The following LPP variants were observed in gnomAD, a reference collection of about 807,000 sequenced individuals.
LPP encodes the protein lipoma-preferred partner.
LPP carries 38 observed loss-of-function variants against 60.4 expected under a neutral mutation model. The observed-to-expected ratio is 0.63, with a 90% confidence interval of 0.49 to 0.83. The LOEUF (loss-of-function observed/expected upper bound fraction) is 0.83. Ranked by LOEUF, LPP falls within the 40% of genes least tolerant of loss-of-function variation. The pLI is 0.00. For missense variants in LPP, 902 were observed against 783.6 expected, an observed-to-expected ratio of 1.15 and a Z score of -1.80; for synonymous variants, 328 against 290.8, an observed-to-expected ratio of 1.13 and a Z score of -1.30.
At chr3:188,353,180 T>A (rs1407106167) in intron 3 of LPP, among the ~76,000 whole-genome samples, 1 of 152,114 alleles carries the variant, frequency 6.6e-6, no homozygotes, top group African/African-American at 2.4e-5. Flanking sequence ...GATTACAGGG[T>A]CCTCGGGAGC....
intron 2 of LPP, among the ~76,000 whole-genome samples, chr3:188,264,224 T>C (rs1010491343): frequency 1.3e-5 from 2 of 151,908 alleles, no homozygotes; most frequent in African/African-American, 4.8e-5. Flanking sequence ...TACCTTCTAA[T>C]GAAGGCAAGA....
At chr3:188,740,403 C>T (rs978822330) in intron 8 of LPP, among the ~76,000 whole-genome samples, 1 of 151,988 alleles carries the variant, frequency 6.6e-6, no homozygotes, top group South Asian at 2.1e-4. Context: ...TATCCAAGCC[C>T]AATATCCTAC....
intron 3 of LPP, among the ~76,000 whole-genome samples, chr3:188,367,651 G>A (rs926557039): frequency 1.3e-5 from 2 of 152,056 alleles, no homozygotes; most frequent in African/African-American, 4.8e-5. Context: ...TATATTCATG[G>A]CAGCCTTTTC....
chr3:188,811,970 C>G (rs1359597465), intron 9 of LPP, among the ~76,000 whole-genome samples: 2 of 151,998 alleles, frequency 1.3e-5, no homozygotes, highest in Non-Finnish European at 2.9e-5. Flanking sequence ...AAGCATTTGT[C>G]CTTTGTGTTG....
chr3:188,631,346 T>C (rs1183419231), intron 7 of LPP, among the ~76,000 whole-genome samples: 1 of 152,156 alleles, frequency 6.6e-6, no homozygotes, highest in East Asian at 1.9e-4. Flanking sequence ...ATAATCAAAT[T>C]TGGGGACACT....
At chr3:188,830,599 C>T (rs1463660865) in intron 9 of LPP, among the ~76,000 whole-genome samples, 4 of 151,012 alleles carry the variant, frequency 2.6e-5, no homozygotes, top group African/African-American at 7.3e-5. Context: ...AGTGAAACTC[C>T]GTCTCAAAAA....
At chr3:188,179,631 C>A in intron 1 of LPP, 1 of 382,684 alleles carries the variant, frequency 2.6e-6, no homozygotes, top group Non-Finnish European at 5.2e-6. Flanking sequence ...TCTCATCCTG[C>A]CAGGAATCCA....
chr3:188,203,503 A>T (rs1311821208), intron 1 of LPP, among the ~76,000 whole-genome samples: 1 of 63,760 alleles, frequency 1.6e-5, no homozygotes, highest in Non-Finnish European at 2.8e-5. Flanking sequence ...ATATATATAA[A>T]TATATATATT....
In LPP at chr3:188,851,931, G is replaced by A. The variant is rs568629197; in HGVS notation, c.1411-14269G>A. ...TAATCCCGGCACACTGGGAGGCTGA[G>A]GCAGGCAGATCACTTGAGGCCGGGG... On this transcript the variant is annotated intron_variant, in intron 9 of 11. Transcript: ENST00000617246. 9.8e-5 allele frequency among the ~76,000 whole-genome samples: 15 copies of A among 152,288 alleles called. No homozygotes were observed. The East Asian group carries it at 2.7e-3, about 27-fold the overall frequency.
At chr3:188,584,882 C>A (rs575194998) in intron 6 of LPP, among the ~76,000 whole-genome samples, 3 of 152,018 alleles carry the variant, frequency 2.0e-5, no homozygotes, top group Non-Finnish European at 4.4e-5. Context: ...ATAAATTTAT[C>A]CCTCCCTGAA....
chr3:188,651,921 G>A (rs547422878), intron 7 of LPP, among the ~76,000 whole-genome samples: 2 of 152,186 alleles, frequency 1.3e-5, no homozygotes, highest in Admixed American at 6.5e-5. Context: ...AACAGAGGTT[G>A]GTTGTAATCA....
At chr3:188,524,397 A>T (rs1819864306) in intron 5 of LPP, among the ~76,000 whole-genome samples, 1 of 152,198 alleles carries the variant, frequency 6.6e-6, no homozygotes, top group African/African-American at 2.4e-5. Context: ...CTTTACTTGT[A>T]TACTTATTTT....
Position 188,639,030 on chromosome 3 carries a change from G to A in LPP, c.1113+29186G>A, listed in dbSNP as rs1341932308. On this transcript the variant is annotated intron_variant, in intron 7 of 11. Coordinates refer to ENST00000617246, the MANE Select transcript of LPP (RefSeq NM_001375462.1). ...GAAAAAACTACTTTAAAGTTCATAT[G>A]GAACCAAAAAAGAGCCCGCATCACC... Among the ~76,000 whole-genome samples the A allele has an allele frequency of 5.3e-5, 8 of 150,524 alleles. No homozygotes were observed. The South Asian group carries it at 1.7e-3, about 31-fold the overall frequency.
At chr3:188,362,244 C>T (rs1246846628) in intron 3 of LPP, among the ~76,000 whole-genome samples, 1 of 152,154 alleles carries the variant, frequency 6.6e-6, no homozygotes, top group Admixed American at 6.5e-5. Context: ...CTAGGCATTT[C>T]TTAAACTATT....
chr3:188,297,295 C>A (rs1748256032), intron 2 of LPP, among the ~76,000 whole-genome samples: 1 of 152,122 alleles, frequency 6.6e-6, no homozygotes, highest in Non-Finnish European at 1.5e-5. Flanking sequence ...CCCTCAGTGC[C>A]AAATTTTGGA....
At chr3:188,407,788 G>GTTTTT (rs869082030) in intron 4 of LPP, among the ~76,000 whole-genome samples, 87 of 107,586 alleles carry the variant, frequency 8.1e-4, no homozygotes, top group African/African-American at 2.7e-3. Flanking sequence ...TTGTTTGTTT[G>GTTTTT]TTTTTTTTTT....
chr3:188,677,421 C>T (rs573558339), intron 7 of LPP, among the ~76,000 whole-genome samples: 1 of 152,212 alleles, frequency 6.6e-6, no homozygotes, highest in East Asian at 1.9e-4. Flanking sequence ...TTGTGAAATT[C>T]ATAAATCTGC....
intron 7 of LPP, among the ~76,000 whole-genome samples, chr3:188,691,256 A>G (rs140861053): frequency 1.9e-3 from 282 of 152,312 alleles, no homozygotes; most frequent in Non-Finnish European, 3.2e-3. Flanking sequence ...TGATAATGCC[A>G]CTCTTGTAAT....
At chr3:188,337,158 C>T (rs1578179071) in intron 2 of LPP, among the ~76,000 whole-genome samples, 2 of 152,188 alleles carry the variant, frequency 1.3e-5, no homozygotes. Flanking sequence ...GGATGTCGGG[C>T]CACTGGGTTC....
Sources: allele counts gnomAD v4.1 joint callset (sites outside exome capture counted in the v4.1 genomes callset), GRCh38; gene constraint gnomAD v4.1.1; transcripts MANE v1.5; gene names NCBI Gene and HGNC (gene_info 2026-07-23, HGNC 2026-07-21).